WAC: variants seen among roughly 807,000 people sequenced by gnomAD.
WAC encodes WW domain-containing adapter protein with coiled-coil.
WAC carries 11 observed loss-of-function variants against 79.6 expected under a neutral mutation model. The ratio of observed to expected loss-of-function variants is 0.14; its 90% CI spans 0.09 to 0.23. The LOEUF (loss-of-function observed/expected upper bound fraction) is 0.23. WAC is among the 10% of genes least tolerant of loss of function. The pLI is 1.00. For missense variants in WAC, 728 were observed against 773.5 expected, an observed-to-expected ratio of 0.94 and a Z score of 0.70; for synonymous variants, 304 against 276.9, an observed-to-expected ratio of 1.10 and a Z score of -0.97.
rs1223713513 is a variant in WAC, at chr10:28,620,972, AAAAG to A, written c.*1370_*1373del. ...GTTTCCTAAAGTATATTAAAATAAA[AAAAG>A]AAACTATTGCTACTATAAAATTACC... On this transcript the variant is annotated 3_prime_UTR_variant, in exon 14 of 14. Transcript: ENST00000354911. 3.9e-5 allele frequency: 6 copies of A among 152,184 alleles called. No homozygotes were observed. Among genetic ancestry groups the A allele is most frequent in the Non-Finnish European group, 4.4e-5 (3 of 68,040 alleles). The allele number at this position is 152,184 out of a possible 1,614,324, so 9.4% of individuals were successfully genotyped here.
At chr10:28,535,060 G>A (rs909714147) in intron 2 of WAC, among the ~76,000 whole-genome samples, 1 of 151,226 alleles carries the variant, frequency 6.6e-6, no homozygotes, top group African/African-American at 2.4e-5. Context: ...GGGAGAGTAA[G>A]GAAGTTAGGT....
chr10:28,617,608 T>G, intron 12 of WAC, 49 bp from the exon 13 acceptor site: 1 of 1,466,054 alleles, frequency 6.8e-7, no homozygotes, highest in Non-Finnish European at 9.1e-7. Flanking sequence ...TTTTATTTTG[T>G]GTATGTTAAT....
At chr10:28,568,385 G>T (rs561464903) in intron 3 of WAC, among the ~76,000 whole-genome samples, 7 of 151,746 alleles carry the variant, frequency 4.6e-5, no homozygotes, top group South Asian at 2.1e-4. Flanking sequence ...TTCTTTTTTT[G>T]TTGTTGTTGT....
intron 10 of WAC, 45 bp from the exon 11 acceptor site, chr10:28,614,522 G>A: frequency 6.8e-7 from 1 of 1,469,396 alleles, no homozygotes; most frequent in Non-Finnish European, 9.5e-7. Context: ...GGGGAGAGAT[G>A]TGGATTAGAT....
intron 3 of WAC, among the ~76,000 whole-genome samples, chr10:28,539,411 A>G (rs1161866403): frequency 6.6e-6 from 1 of 152,232 alleles, no homozygotes; most frequent in East Asian, 1.9e-4. Flanking sequence ...AATAATGTCT[A>G]TTGTAAATTT....
At chr10:28,563,604 G>A (rs1006951859) in intron 3 of WAC, among the ~76,000 whole-genome samples, 4 of 151,996 alleles carry the variant, frequency 2.6e-5, no homozygotes, top group Non-Finnish European at 5.9e-5. Flanking sequence ...TTTTGAGACG[G>A]AGTTTTGCTC....
Position 28,619,523 on chromosome 10 carries a change from C to T in WAC, c.1875-14C>T. 1.5e-6 allele frequency: 2 copies of T among 1,336,236 alleles called. No homozygotes were observed. Among genetic ancestry groups the T allele is most frequent in the African/African-American group, 1.5e-5 (1 of 64,792 alleles). 82.8% of individuals were successfully genotyped at this position (1,336,236 alleles called of 1,614,324 possible). A position where few individuals can be genotyped will look rare whatever the true frequency, so the allele number is the denominator to read the frequency against. On this transcript the variant is annotated splice_polypyrimidine_tract_variant and intron_variant, in intron 13 of 13. Transcript: ENST00000354911. ...ATATGTACACAGGTTCTAATGTCTG[C>T]TTTTTTTTTTCAGGATACTATTTTT...
In WAC at chr10:28,535,558, A is replaced by G. The variant is rs763768792; in HGVS notation, c.79-4A>G. On this transcript the variant is annotated splice_polypyrimidine_tract_variant and splice_region_variant and intron_variant, in intron 2 of 13. Coordinates refer to ENST00000354911, the MANE Select transcript of WAC (RefSeq NM_016628.5). ...TCTTTTTTTGGGGGGGTGATGTTTT[A>G]CAGGCACTTAAGTATTCATCGAAGA... 6.4e-7 allele frequency: 1 copy of G among 1,572,200 alleles called. No homozygotes were observed. The highest frequency in any genetic ancestry group is 2.3e-5 in the East Asian group (1 of 43,304).
intron 3 of WAC, among the ~76,000 whole-genome samples, chr10:28,565,207 G>A (rs970079398): frequency 5.3e-5 from 8 of 152,204 alleles, no homozygotes; most frequent in South Asian, 2.1e-4. Flanking sequence ...TTAACCATAC[G>A]CCATTGAAGG....
chr10:28,565,957 A>G (rs994392075), intron 3 of WAC, among the ~76,000 whole-genome samples: 1 of 152,204 alleles, frequency 6.6e-6, no homozygotes, highest in Non-Finnish European at 1.5e-5. Context: ...TGCAGAAAGC[A>G]GGAGCACAAT....
intron 10 of WAC, among the ~76,000 whole-genome samples, chr10:28,613,712 C>A (rs1379774786): frequency 6.6e-6 from 1 of 152,030 alleles, no homozygotes; most frequent in South Asian, 2.1e-4. Context: ...TAATCATATC[C>A]CCTCACCCCA....
intron 13 of WAC, 113 bp downstream of exon 13, chr10:28,617,897 A>G: frequency 8.3e-7 from 1 of 1,211,738 alleles, no homozygotes; most frequent in Non-Finnish European, 1.1e-6. Context: ...TCTTCGATAC[A>G]TTGATCACAT....
chr10:28,544,775 A>AGAAAACG (rs1837258904), intron 3 of WAC, among the ~76,000 whole-genome samples: 1 of 152,112 alleles, frequency 6.6e-6, no homozygotes, highest in South Asian at 2.1e-4. Flanking sequence ...TTAAAAAAAC[A>AGAAAACG]GAAAACGGCC....
At chr10:28,596,428 T>C (rs1840371651) in intron 7 of WAC, among the ~76,000 whole-genome samples, 2 of 152,218 alleles carry the variant, frequency 1.3e-5, no homozygotes, top group South Asian at 4.1e-4. Flanking sequence ...ATTTTAAAAC[T>C]AATGTCTGTA....
In WAC at chr10:28,620,858, GTTC is replaced by G. The variant is rs1415037215; in HGVS notation, c.*1255_*1257del. The G allele has an allele frequency of 1.3e-5, 2 of 152,164 alleles. No homozygotes were observed. The highest frequency in any genetic ancestry group is 4.8e-5 in the African/African-American group (2 of 41,428). The allele number at this position is 152,164 out of a possible 1,614,324, so 9.4% of individuals were successfully genotyped here. A position where few individuals can be genotyped will look rare whatever the true frequency, so the allele number is the denominator to read the frequency against. ...CTGTTCAAGTCTGGTGCTGACTGCT[GTTC>G]TTAGCCATCACAAAACGCTAAATTT... On this transcript the variant is annotated 3_prime_UTR_variant, in exon 14 of 14. Transcript: ENST00000354911.
At chr10:28,534,293 G>T (rs1379855117) in intron 2 of WAC, 2 of 413,742 alleles carry the variant, frequency 4.8e-6, no homozygotes, top group Non-Finnish European at 8.5e-6. Context: ...AGAAAGACCT[G>T]ACTCGATTAT....
chr10:28,617,300 G>A (rs985222048), intron 12 of WAC, among the ~76,000 whole-genome samples: 29 of 152,154 alleles, frequency 1.9e-4, no homozygotes, highest in African/African-American at 7.0e-4. Flanking sequence ...GTATAGTGAG[G>A]CTCTTGAATC....
At position 28,622,780 on chromosome 10, in the gene WAC, T is replaced by A. The variant is rs1250361076; in HGVS notation, c.*3174T>A. 6.6e-6 allele frequency: 1 copy of A among 152,164 alleles called. No homozygotes were observed. The highest frequency in any genetic ancestry group is 1.5e-5 in the Non-Finnish European group (1 of 68,034). 9.4% of individuals were successfully genotyped at this position (152,164 alleles called of 1,614,324 possible). A position where few individuals can be genotyped will look rare whatever the true frequency, so the allele number is the denominator to read the frequency against. On this transcript the variant is annotated 3_prime_UTR_variant, in exon 14 of 14. Transcript: ENST00000354911. ...CCATTTCCAAAAACAGTTTATTATG[T>A]TCAAAAACCACCATATCTTTGAGGG... is the stretch of plus-strand genomic sequence containing the variant.
chr10:28,545,188 A>G (rs2132380432), intron 3 of WAC, among the ~76,000 whole-genome samples: 1 of 152,202 alleles, frequency 6.6e-6, no homozygotes, highest in East Asian at 1.9e-4. Flanking sequence ...TAGTTGATGG[A>G]GCCTAGAAAA....
Sources: gnomAD v4.1 joint callset for allele counts (sites outside exome capture counted in the v4.1 genomes callset) on GRCh38, gnomAD v4.1.1 for gene constraint, MANE v1.5 for transcripts, NCBI Gene and HGNC (gene_info 2026-07-23, HGNC 2026-07-21) for gene names.